TMTC2: variants seen among roughly 807,000 people sequenced by gnomAD.
TMTC2 encodes the protein protein O-mannosyl-transferase TMTC2.
In TMTC2, 43 loss-of-function variants were observed where a neutral mutation model predicts 82.4. That is an observed-to-expected ratio of 0.52 (90% CI 0.41 to 0.67). The LOEUF (loss-of-function observed/expected upper bound fraction) is 0.67, where lower values mean the gene tolerates loss of function less well. Ranked by LOEUF, TMTC2 falls within the 30% of genes least tolerant of loss-of-function variation. The pLI, the probability that TMTC2 is intolerant of heterozygous loss-of-function variation, is 0.00. For synonymous variants in TMTC2, 408 were observed against 381.9 expected (o/e 1.07, Z -0.80); for missense variants, 919 against 1,012.4 (o/e 0.91, Z 1.25).
intron 3 of TMTC2, among the ~76,000 whole-genome samples, chr12:82,907,718 T>G (rs1485951260): frequency 2.0e-5 from 3 of 152,204 alleles, no homozygotes; most frequent in Non-Finnish European, 4.4e-5. Flanking sequence ...TAGAGTTACT[T>G]TAGATTATAT....
At chr12:83,106,961 A>G (rs1162960423) in intron 11 of TMTC2, among the ~76,000 whole-genome samples, 1 of 152,248 alleles carries the variant, frequency 6.6e-6, no homozygotes, top group Non-Finnish European at 1.5e-5. Context: ...CTGTGCAAAC[A>G]AAACAGTAAA....
At chr12:83,047,347 G>T (rs1882181188) in intron 9 of TMTC2, among the ~76,000 whole-genome samples, 1 of 152,080 alleles carries the variant, frequency 6.6e-6, no homozygotes, top group South Asian at 2.1e-4. Context: ...ACTATTCTTT[G>T]TTTCCCTGTA....
chr12:83,101,011 A>G (rs17010598), intron 11 of TMTC2, among the ~76,000 whole-genome samples: 11,818 of 152,246 alleles, frequency 0.078, 610 homozygotes, highest in Admixed American at 0.12. Context: ...TTCAGCAGCT[A>G]GCTATAAACA....
At chr12:83,130,056 A>G (rs1377074536) in intron 11 of TMTC2, among the ~76,000 whole-genome samples, 1 of 152,172 alleles carries the variant, frequency 6.6e-6, no homozygotes. Flanking sequence ...CAACCTCATC[A>G]CTGGGCCTCT....
Position 82,895,818 on chromosome 12 carries a change from A to T in TMTC2, c.655A>T (p.Arg219Trp). 6.3e-7 allele frequency: 1 copy of T among 1,598,816 alleles called. No individual in the cohort carries two copies. Among genetic ancestry groups the T allele is most frequent in the African/African-American group, 1.3e-5 (1 of 74,274 alleles). ...IKQILPTIYK[R>W]KNLSLFLSIS... ...TTTCCCTTCTCTCTTTTGGTTTCAG[A>T]GGAAGAACTTGTCGCTTTTCCTAAG... Residue 219 changes from arginine (R) to tryptophan (W), a missense_variant and splice_region_variant, in exon 3 of 12, where the codon AGG (arginine) becomes TGG (tryptophan). Arg to Trp is a moderately radical substitution (Grantham distance 101). Coordinates refer to ENST00000321196, the MANE Select transcript of TMTC2 (RefSeq NM_152588.3).
intron 3 of TMTC2, among the ~76,000 whole-genome samples, chr12:82,927,035 C>A (rs1447635095): frequency 6.6e-6 from 1 of 152,070 alleles, no homozygotes; most frequent in East Asian, 1.9e-4. Flanking sequence ...GCCCATGGAT[C>A]GATCAAGGAA....
chr12:82,950,412 G>A (rs576493622), intron 4 of TMTC2, among the ~76,000 whole-genome samples: 13 of 152,094 alleles, frequency 8.5e-5, no homozygotes, highest in Middle Eastern at 3.4e-3. Context: ...TCAAAAGGTA[G>A]GTACAAAGTA....
chr12:82,822,653 A>G (rs1216219582), intron 1 of TMTC2, among the ~76,000 whole-genome samples: 1 of 152,176 alleles, frequency 6.6e-6, no homozygotes, highest in Non-Finnish European at 1.5e-5. Context: ...CAAGTAAAAT[A>G]TTCTTTTAGT....
chr12:82,700,025 A>C (rs1872996338), intron 1 of TMTC2, among the ~76,000 whole-genome samples: 1 of 152,046 alleles, frequency 6.6e-6, no homozygotes, highest in South Asian at 2.1e-4. Context: ...ATATGGGAGG[A>C]TGTGCATAGG....
At chr12:83,128,627 C>T (rs1385867801) in intron 11 of TMTC2, among the ~76,000 whole-genome samples, 2 of 152,088 alleles carry the variant, frequency 1.3e-5, no homozygotes, top group African/African-American at 4.8e-5. Flanking sequence ...TTTTAATGAG[C>T]TTACAAGGCA....
chr12:82,870,967 A>G (rs1214416885), intron 2 of TMTC2, among the ~76,000 whole-genome samples: 1 of 152,198 alleles, frequency 6.6e-6, no homozygotes, highest in African/African-American at 2.4e-5. Flanking sequence ...ATTCTGCAGT[A>G]TAATCTTCTC....
intron 1 of TMTC2, among the ~76,000 whole-genome samples, chr12:82,843,685 C>T (rs1332553641): frequency 4.6e-5 from 7 of 152,058 alleles, no homozygotes; most frequent in African/African-American, 7.2e-5. Flanking sequence ...TGGTGGCTCA[C>T]ACCTGTAATC....
intron 1 of TMTC2, among the ~76,000 whole-genome samples, chr12:82,802,835 C>G (rs1313336327): frequency 6.6e-6 from 1 of 152,106 alleles, no homozygotes; most frequent in Non-Finnish European, 1.5e-5. Context: ...TGAACAGGCT[C>G]TGCAGAAGAA....
intron 7 of TMTC2, among the ~76,000 whole-genome samples, chr12:82,981,267 C>A (rs1229361210): frequency 6.6e-6 from 1 of 151,840 alleles, no homozygotes; most frequent in Non-Finnish European, 1.5e-5. Flanking sequence ...TATTCTTTAT[C>A]TGCAAGCAGG....
chr12:82,780,223 A>G (rs1374247156), intron 1 of TMTC2, among the ~76,000 whole-genome samples: 1 of 152,168 alleles, frequency 6.6e-6, no homozygotes, highest in Non-Finnish European at 1.5e-5. Flanking sequence ...GCTGTGGATA[A>G]TCTTACAGTG....
chr12:83,006,462 T>A (rs920622959), intron 8 of TMTC2, among the ~76,000 whole-genome samples: 1 of 152,350 alleles, frequency 6.6e-6, no homozygotes, highest in African/African-American at 2.4e-5. Flanking sequence ...TCGAATCTTC[T>A]TTCTTTTTTC....
At chr12:82,761,930 T>TCTTC (rs1876663760) in intron 1 of TMTC2, among the ~76,000 whole-genome samples, 1 of 150,194 alleles carries the variant, frequency 6.7e-6, no homozygotes, top group African/African-American at 2.5e-5. Context: ...CTCTTTCCTT[T>TCTTC]CTTCCTTCCT....
At chr12:83,110,607 G>A (rs1884568289) in intron 11 of TMTC2, among the ~76,000 whole-genome samples, 1 of 152,122 alleles carries the variant, frequency 6.6e-6, no homozygotes, top group Non-Finnish European at 1.5e-5. Context: ...AATTTTATTT[G>A]TCCTGTCAGC....
intron 10 of TMTC2, 148 bp downstream of exon 10, chr12:83,051,166 C>A (rs1882330908): frequency 3.5e-6 from 2 of 571,904 alleles, no homozygotes; most frequent in Non-Finnish European, 2.9e-6. Flanking sequence ...ATATTGTATT[C>A]ATTATAGGCT....
Sources: gnomAD v4.1 joint callset for allele counts (sites outside exome capture counted in the v4.1 genomes callset) on GRCh38, gnomAD v4.1.1 for gene constraint, MANE v1.5 for transcripts, NCBI Gene and HGNC (gene_info 2026-07-23, HGNC 2026-07-21) for gene names.